The following SH2D4A variants were observed in gnomAD, a reference collection of about 807,000 sequenced individuals.
The protein encoded by SH2D4A is SH2 domain containing 4A, also known as SH2 domain-containing protein 4A.
Under a neutral mutation model 64.7 loss-of-function variants are expected in SH2D4A, and 70 were observed. That is an observed-to-expected ratio of 1.08 (90% confidence interval 0.89 to 1.32). The LOEUF (loss-of-function observed/expected upper bound fraction) is 1.32, where lower values mean the gene tolerates loss of function less well. Among genes scored for constraint, SH2D4A ranks in the 40% most tolerant of loss-of-function variants. SH2D4A has a pLI of 0.00. For synonymous variants in SH2D4A, 268 were observed against 200.7 expected (o/e 1.34, Z -2.83); for missense variants, 706 against 540.1 (o/e 1.31, Z -3.04).
intron 4 of SH2D4A, among the ~76,000 whole-genome samples, chr8:19,354,297 G>A (rs548616710): frequency 6.6e-6 from 1 of 152,234 alleles, no homozygotes; most frequent in African/African-American, 2.4e-5. Flanking sequence ...CACCACGCAT[G>A]GGCCTAATGA....
At chr8:19,359,195 A>T (rs2052840689) in intron 5 of SH2D4A, among the ~76,000 whole-genome samples, 1 of 152,196 alleles carries the variant, frequency 6.6e-6, no homozygotes. Flanking sequence ...GGGTAATAGC[A>T]GATCTCATCT....
intron 8 of SH2D4A, among the ~76,000 whole-genome samples, chr8:19,392,288 A>C (rs2053505575): frequency 6.6e-6 from 1 of 152,196 alleles, no homozygotes. Context: ...CTACAGGCTA[A>C]GGTACTTTAT....
Position 19,332,311 on chromosome 8 carries a change from T to A in SH2D4A, c.182-644T>A, listed in dbSNP as rs187193529. 2.1e-3 allele frequency among the ~76,000 whole-genome samples: 314 copies of A among 152,202 alleles called. 3 individuals carry two copies. The highest frequency in any genetic ancestry group is 7.2e-3 in the African/African-American group (300 of 41,534). ...AAGGATAATGCAAACAATGAATGCT[T>A]GCTTCCCATTTCAGTTTCTTCATTT... On this transcript the variant is annotated intron_variant, in intron 2 of 9. Transcript: ENST00000265807.
At chr8:19,382,643 T>C (rs1441189386) in intron 8 of SH2D4A, among the ~76,000 whole-genome samples, 8 of 152,080 alleles carry the variant, frequency 5.3e-5, no homozygotes, top group Admixed American at 2.0e-4. Flanking sequence ...GATAATATTC[T>C]CAACTTATGC....
At position 19,333,040 on chromosome 8, in the gene SH2D4A, C is replaced by T; in HGVS notation, c.267C>T (p.Pro89=). The part of the protein sequence containing the change: ...WVMGEHHLDK[P]YDVLCNEIIA... ...TGGGCGAACACCATCTAGATAAACC[C>T]TATGATGTGCTCTGTAATGAAATTA... Residue 89 remains proline, a synonymous_variant, in exon 3 of 10, where the codon CCC becomes CCT. Transcript: ENST00000265807. The T allele has an allele frequency of 1.2e-6, 2 of 1,614,016 alleles. No homozygotes were observed. Among genetic ancestry groups the T allele is most frequent in the Non-Finnish European group, 1.7e-6 (2 of 1,180,002 alleles).
chr8:19,385,524 T>C (rs1332848356), intron 8 of SH2D4A, among the ~76,000 whole-genome samples: 3 of 152,128 alleles, frequency 2.0e-5, no homozygotes, highest in East Asian at 3.9e-4. Context: ...TTTGATTTCT[T>C]CCATTTTTTG....
chr8:19,388,404 G>A (rs932441858), intron 8 of SH2D4A, among the ~76,000 whole-genome samples: 1 of 152,216 alleles, frequency 6.6e-6, no homozygotes, highest in Admixed American at 6.5e-5. Context: ...TTCTGTCTGA[G>A]AGAATGGGTG....
At chr8:19,371,565 C>CT (rs1244955451) in intron 7 of SH2D4A, among the ~76,000 whole-genome samples, 1 of 152,148 alleles carries the variant, frequency 6.6e-6, no homozygotes, top group Non-Finnish European at 1.5e-5. Context: ...TAGGTTGAAT[C>CT]TGACTGGTGA....
At chr8:19,342,378 T>C (rs1269478203) in intron 4 of SH2D4A, among the ~76,000 whole-genome samples, 1 of 152,172 alleles carries the variant, frequency 6.6e-6, no homozygotes, top group African/African-American at 2.4e-5. Context: ...TAGGATAAAA[T>C]CAGGTTAATA....
intron 4 of SH2D4A, among the ~76,000 whole-genome samples, chr8:19,339,735 A>G (rs1339721005): frequency 2.0e-5 from 3 of 152,104 alleles, no homozygotes; most frequent in African/African-American, 7.2e-5. Context: ...TCCTGGCCTC[A>G]GGTGATCCTC....
rs909509892 is a variant in SH2D4A, at chr8:19,395,615, G to A, written c.*973G>A. ...GTAATAGACACAAATGCAGTGGGAAGAAGACCAGGGGACAAGAGGCAAGTT... is the reference window on the plus strand; with the variant it reads ...GTAATAGACACAAATGCAGTGGGAAAAAGACCAGGGGACAAGAGGCAAGTT... On this transcript the variant is annotated 3_prime_UTR_variant, in exon 10 of 10. Transcript: ENST00000265807. 5 of 152,246 alleles carry A rather than the reference G, an allele frequency of 3.3e-5. No homozygotes were observed. The highest frequency in any genetic ancestry group is 1.2e-4 in the African/African-American group (5 of 41,414). The allele number at this position is 152,246 out of a possible 1,614,324, so 9.4% of individuals were successfully genotyped here. A position where few individuals can be genotyped will look rare whatever the true frequency, so the allele number is the denominator to read the frequency against.
intron 8 of SH2D4A, among the ~76,000 whole-genome samples, chr8:19,386,401 C>A (rs1380506465): frequency 6.6e-6 from 1 of 152,208 alleles, no homozygotes; most frequent in East Asian, 1.9e-4. Context: ...AGGCTTCCTG[C>A]AAAAATGTCA....
At chr8:19,392,713 G>T (rs528159611) in intron 8 of SH2D4A, among the ~76,000 whole-genome samples, 1 of 152,016 alleles carries the variant, frequency 6.6e-6, no homozygotes, top group Non-Finnish European at 1.5e-5. Context: ...CTAAATGGGT[G>T]TATAAGTAGA....
chr8:19,320,187 T>C (rs928435324), intron 2 of SH2D4A, among the ~76,000 whole-genome samples: 7 of 151,998 alleles, frequency 4.6e-5, no homozygotes, highest in African/African-American at 1.5e-4. Context: ...ATGTAAGGAA[T>C]TGCTATAAGG....
At chr8:19,329,936 G>A (rs968246642) in intron 2 of SH2D4A, among the ~76,000 whole-genome samples, 3 of 152,130 alleles carry the variant, frequency 2.0e-5, no homozygotes, top group Admixed American at 6.5e-5. Context: ...CTTGAAAATG[G>A]ACTAATACAC....
chr8:19,353,828 C>A (rs1217064334), intron 4 of SH2D4A, among the ~76,000 whole-genome samples: 1 of 151,610 alleles, frequency 6.6e-6, no homozygotes, highest in Non-Finnish European at 1.5e-5. Context: ...TTATTTTAAC[C>A]CTTTAGAATA....
At chr8:19,360,497 C>G (rs2052865033) in intron 5 of SH2D4A, among the ~76,000 whole-genome samples, 1 of 151,918 alleles carries the variant, frequency 6.6e-6, no homozygotes, top group African/African-American at 2.4e-5. Flanking sequence ...GCCTGTAATC[C>G]CAGCTACTCA....
At chr8:19,379,256 A>G (rs938634074) in intron 8 of SH2D4A, among the ~76,000 whole-genome samples, 1 of 152,170 alleles carries the variant, frequency 6.6e-6, no homozygotes, top group Non-Finnish European at 1.5e-5. Flanking sequence ...TCATATAAGT[A>G]GAACTGTACA....
intron 8 of SH2D4A, 95 bp from the exon 9 acceptor site, chr8:19,393,223 C>CGTCATT (rs1394891572): frequency 5.5e-6 from 6 of 1,086,412 alleles, no homozygotes; most frequent in Non-Finnish European, 7.0e-6. Flanking sequence ...CTTATTTAGG[C>CGTCATT]GTCATTGACT....
Sources: gnomAD v4.1 joint callset for allele counts (sites outside exome capture counted in the v4.1 genomes callset) on GRCh38, gnomAD v4.1.1 for gene constraint, MANE v1.5 for transcripts, NCBI Gene and HGNC (gene_info 2026-07-23, HGNC 2026-07-21) for gene names.